The following CHCHD6 variants were observed in gnomAD, a reference collection of about 807,000 sequenced individuals.
CHCHD6 encodes the protein MICOS complex subunit MIC25.
Under a neutral mutation model 32.3 loss-of-function variants are expected in CHCHD6, and 28 were observed. The ratio of observed to expected loss-of-function variants is 0.87; its 90% CI spans 0.64 to 1.19. The LOEUF (loss-of-function observed/expected upper bound fraction) is 1.19. Among genes scored for constraint, CHCHD6 ranks in the 50% most tolerant of loss-of-function variants. CHCHD6 has a pLI of 0.00. For synonymous variants in CHCHD6, 122 were observed against 117.5 expected (o/e 1.04, Z -0.25); for missense variants, 333 against 307.0 (o/e 1.08, Z -0.63).
intron 4 of CHCHD6, among the ~76,000 whole-genome samples, chr3:126,796,292 G>C (rs762089653): frequency 2.6e-5 from 4 of 152,222 alleles, no homozygotes; most frequent in Non-Finnish European, 5.9e-5. Flanking sequence ...CAAGGCTTCA[G>C]TGAGCTGAGA....
At chr3:126,936,852 G>A (rs1296425403) in intron 6 of CHCHD6, among the ~76,000 whole-genome samples, 1 of 152,180 alleles carries the variant, frequency 6.6e-6, no homozygotes, top group Non-Finnish European at 1.5e-5. Context: ...CCTGCACCTG[G>A]CCTCTTTTTA....
At chr3:126,732,561 AT>A (rs34607172) in intron 3 of CHCHD6, among the ~76,000 whole-genome samples, 1 of 152,116 alleles carries the variant, frequency 6.6e-6, no homozygotes, top group East Asian at 1.9e-4. Context: ...GGTTGCTTGC[AT>A]TTTTTTCACT....
intron 4 of CHCHD6, among the ~76,000 whole-genome samples, chr3:126,821,201 A>G (rs1235411165): frequency 6.6e-6 from 1 of 152,206 alleles, no homozygotes; most frequent in Non-Finnish European, 1.5e-5. Context: ...GTATAGATAG[A>G]CCACATTTTA....
intron 6 of CHCHD6, among the ~76,000 whole-genome samples, chr3:126,946,273 G>T (rs1221697156): frequency 6.6e-6 from 1 of 152,182 alleles, no homozygotes; most frequent in Non-Finnish European, 1.5e-5. Flanking sequence ...CGCCCCACCT[G>T]GCTTCCTCTG....
chr3:126,929,721 A>C (rs974895042), intron 6 of CHCHD6, among the ~76,000 whole-genome samples: 5 of 151,982 alleles, frequency 3.3e-5, no homozygotes, highest in Non-Finnish European at 7.4e-5. Flanking sequence ...GCCCACCACC[A>C]TGCCTGGCTA....
intron 6 of CHCHD6, among the ~76,000 whole-genome samples, chr3:126,918,658 T>C (rs1052925818): frequency 2.0e-5 from 3 of 152,098 alleles, no homozygotes; most frequent in Non-Finnish European, 4.4e-5. Flanking sequence ...ATTTAACTTA[T>C]TGAAGGAATT....
intron 1 of CHCHD6, among the ~76,000 whole-genome samples, chr3:126,720,839 T>A (rs1186305548): frequency 6.6e-6 from 1 of 152,168 alleles, no homozygotes; most frequent in Non-Finnish European, 1.5e-5. Context: ...ACTGGGGACT[T>A]GGGGCTTTAG....
intron 5 of CHCHD6, among the ~76,000 whole-genome samples, chr3:126,862,134 C>T (rs1576511579): frequency 1.6e-4 from 12 of 75,052 alleles, no homozygotes; most frequent in Admixed American, 1.2e-4. Flanking sequence ...CCACCTCCCC[C>T]TCCTCCACCA....
intron 5 of CHCHD6, among the ~76,000 whole-genome samples, chr3:126,906,508 G>A (rs566590939): frequency 7.9e-5 from 12 of 152,310 alleles, no homozygotes; most frequent in African/African-American, 2.4e-4. Flanking sequence ...TTCCGACAGC[G>A]CTCATCTTGC....
At chr3:126,923,821 A>G (rs1559925127) in intron 6 of CHCHD6, among the ~76,000 whole-genome samples, 1 of 152,254 alleles carries the variant, frequency 6.6e-6, no homozygotes, top group Non-Finnish European at 1.5e-5. Flanking sequence ...GTGTTGTTAC[A>G]TAGAAACTCA....
chr3:126,738,293 C>T (rs937297503), intron 4 of CHCHD6, among the ~76,000 whole-genome samples: 3 of 152,138 alleles, frequency 2.0e-5, no homozygotes, highest in Admixed American at 6.5e-5. Flanking sequence ...TGTACTATGT[C>T]GTTTTATGTA....
rs561017688 is a variant in CHCHD6 at position 126,804,117 on chromosome 3, A to G, written c.412-48530A>G. Among the ~76,000 whole-genome samples the G allele has an allele frequency of 7.9e-5, 12 of 152,250 alleles. No individual in the cohort carries two copies. In the South Asian group the frequency reaches 2.5e-3, roughly 32 times the overall value. ...ATGCCCACAAGAGAAAGCAGGAAAG[A>G]TCCAAAATTGACACCCTAACCTCAC... On this transcript the variant is annotated intron_variant, in intron 4 of 7. Coordinates refer to ENST00000290913, the MANE Select transcript of CHCHD6 (RefSeq NM_032343.3).
At position 126,922,850 on chromosome 3, in the gene CHCHD6, T is replaced by C. The variant is rs376223625; in HGVS notation, c.566+8100T>C. 4.5e-4 allele frequency among the ~76,000 whole-genome samples: 69 copies of C among 152,254 alleles called. No homozygotes were observed. The South Asian group carries it at 8.9e-3, about 20-fold the overall frequency. ...GAAACAAAGATGCATGGAGAGAGAG[T>C]TGACCAACAGAGGTTAGTGTTTGTG... On this transcript the variant is annotated intron_variant, in intron 6 of 7. Coordinates refer to ENST00000290913, the MANE Select transcript of CHCHD6 (RefSeq NM_032343.3).
intron 4 of CHCHD6, among the ~76,000 whole-genome samples, chr3:126,845,022 A>T (rs1941246477): frequency 6.6e-6 from 1 of 152,208 alleles, no homozygotes; most frequent in Non-Finnish European, 1.5e-5. Context: ...GATTGTAGTC[A>T]AATAAGACCT....
At chr3:126,832,984 G>A (rs532556126) in intron 4 of CHCHD6, among the ~76,000 whole-genome samples, 8 of 152,288 alleles carry the variant, frequency 5.3e-5, no homozygotes, top group Admixed American at 2.6e-4. Flanking sequence ...TACAGCCCTC[G>A]TATTGTGCTA....
intron 4 of CHCHD6, chr3:126,766,771 C>A (rs1285760786): frequency 2.6e-6 from 3 of 1,143,240 alleles, no homozygotes; most frequent in Non-Finnish European, 4.0e-6. Context: ...GTTGGTGGCC[C>A]CCTGGAAAAA....
At chr3:126,957,313 CT>C in intron 6 of CHCHD6, 102 bp from the exon 7 acceptor site, 1 of 1,352,046 alleles carries the variant, frequency 7.4e-7, no homozygotes. Flanking sequence ...GTGTCAGGGA[CT>C]TAGCCTAGCG....
chr3:126,832,586 T>C, intron 4 of CHCHD6, among the ~76,000 whole-genome samples: 1 of 152,198 alleles, frequency 6.6e-6, no homozygotes, highest in East Asian at 1.9e-4. Flanking sequence ...CAGGGCCTGT[T>C]TTACAAAGGA....
intron 1 of CHCHD6, 29 bp downstream of exon 1, chr3:126,704,428 G>A (rs750810359): frequency 2.1e-6 from 3 of 1,434,448 alleles, no homozygotes; most frequent in Non-Finnish European, 2.8e-6. Flanking sequence ...GCCGGGGCGG[G>A]CGTGGAGGCC....
Sources: allele counts gnomAD v4.1 joint callset (sites outside exome capture counted in the v4.1 genomes callset), GRCh38; gene constraint gnomAD v4.1.1; transcripts MANE v1.5; gene names NCBI Gene and HGNC (gene_info 2026-07-23, HGNC 2026-07-21).